The following SORCS3 variants were observed in gnomAD, a reference collection of about 807,000 sequenced individuals.
SORCS3 encodes the protein VPS10 domain-containing receptor SorCS3.
A neutral mutation model predicts 146.3 loss-of-function variants in SORCS3; 57 were observed. That is an observed-to-expected ratio of 0.39 (90% CI 0.31 to 0.49). The LOEUF (loss-of-function observed/expected upper bound fraction) is 0.49. Among genes scored for constraint, SORCS3 ranks in the 20% least tolerant of loss-of-function variants. The probability of loss-of-function intolerance (pLI) is 0.92; values close to 1 mark genes in which losing one functional copy is unlikely to be tolerated. For missense variants in SORCS3, 1,341 were observed against 1,575.5 expected (o/e 0.85, Z 2.52); for synonymous variants, 653 against 618.5 (o/e 1.06, Z -0.83).
intron 20 of SORCS3, among the ~76,000 whole-genome samples, chr10:105,226,850 A>G (rs192706751): frequency 1.0e-3 from 156 of 151,714 alleles, no homozygotes; most frequent in African/African-American, 3.4e-3. Flanking sequence ...TAGTGTATAT[A>G]GTTGTTCATA....
chr10:104,751,850 G>A (rs984440179), intron 1 of SORCS3, among the ~76,000 whole-genome samples: 3 of 145,900 alleles, frequency 2.1e-5, no homozygotes, highest in Non-Finnish European at 4.5e-5. Flanking sequence ...CTGTGGCTGG[G>A]ATTTTGTCAC....
chr10:105,019,574 G>T (rs1299924751), intron 4 of SORCS3, among the ~76,000 whole-genome samples: 1 of 152,132 alleles, frequency 6.6e-6, no homozygotes, highest in Non-Finnish European at 1.5e-5. Context: ...TCAGTCACCA[G>T]TGAAATTGAT....
intron 4 of SORCS3, among the ~76,000 whole-genome samples, chr10:104,988,849 AC>A (rs2054977081): frequency 6.6e-6 from 1 of 152,102 alleles, no homozygotes; most frequent in Non-Finnish European, 1.5e-5. Context: ...GGAAAATCAG[AC>A]CCCCGTGTTA....
chr10:104,657,868 A>G (rs1209658316), intron 1 of SORCS3, among the ~76,000 whole-genome samples: 2 of 152,226 alleles, frequency 1.3e-5, no homozygotes, highest in African/African-American at 2.4e-5. Context: ...CCGATAAAAT[A>G]TTTAGCTTTT....
chr10:104,983,641 G>A (rs1008135925), intron 4 of SORCS3, among the ~76,000 whole-genome samples: 4 of 152,054 alleles, frequency 2.6e-5, no homozygotes, highest in African/African-American at 9.7e-5. Flanking sequence ...TTGTCTTTAT[G>A]TACGTGCTGT....
intron 1 of SORCS3, among the ~76,000 whole-genome samples, chr10:104,696,443 T>TATATA (rs1564661304): frequency 0.011 from 23 of 2,102 alleles, 1 homozygote; most frequent in Non-Finnish European, 0.036. Context: ...GAATATATAA[T>TATATA]ATATAGAATA....
At chr10:104,945,566 C>CT (rs10707282) in intron 3 of SORCS3, among the ~76,000 whole-genome samples, 3,531 of 135,092 alleles carry the variant, frequency 0.026, 48 homozygotes, top group Non-Finnish European at 0.037. Flanking sequence ...GCCTAATGTT[C>CT]TTTTTTTTTT....
intron 4 of SORCS3, among the ~76,000 whole-genome samples, chr10:105,025,880 A>ACACACACC (rs1554870035): frequency 6.7e-6 from 1 of 148,456 alleles, no homozygotes; most frequent in Non-Finnish European, 1.5e-5. Flanking sequence ...ACACACACAC[A>ACACACACC]CCTGAAGAAC....
At chr10:104,732,326 A>G (rs555886637) in intron 1 of SORCS3, among the ~76,000 whole-genome samples, 1 of 152,306 alleles carries the variant, frequency 6.6e-6, no homozygotes, top group South Asian at 2.1e-4. Context: ...AAAATGAGAA[A>G]CAGAAGCATG....
intron 5 of SORCS3, among the ~76,000 whole-genome samples, chr10:105,074,253 T>A (rs897531596): frequency 6.6e-6 from 1 of 152,218 alleles, no homozygotes; most frequent in Non-Finnish European, 1.5e-5. Flanking sequence ...TGTGTTTGAA[T>A]TGGGAGCTGT....
At chr10:104,688,626 TTC>T (rs2016077533) in intron 1 of SORCS3, among the ~76,000 whole-genome samples, 1 of 152,214 alleles carries the variant, frequency 6.6e-6, no homozygotes, top group Admixed American at 6.5e-5. Flanking sequence ...CCCTTTCTTG[TTC>T]TTTTTCTCTA....
intron 5 of SORCS3, among the ~76,000 whole-genome samples, chr10:105,089,057 C>G (rs2055683366): frequency 6.6e-6 from 1 of 152,176 alleles, no homozygotes; most frequent in Admixed American, 6.5e-5. Flanking sequence ...ATTTAGGAGA[C>G]AGCTGACTGG....
At chr10:104,696,704 C>A (rs551095931) in intron 1 of SORCS3, among the ~76,000 whole-genome samples, 4 of 59,000 alleles carry the variant, frequency 6.8e-5, no homozygotes, top group East Asian at 3.9e-4. Flanking sequence ...ATATTATATA[C>A]GTATATATAA....
At chr10:104,939,693 C>T (rs60744009) in intron 3 of SORCS3, among the ~76,000 whole-genome samples, 8,915 of 152,212 alleles carry the variant, frequency 0.059, 260 homozygotes, top group African/African-American at 0.072. Flanking sequence ...AAATGAATTT[C>T]TTGATGGGTC....
chr10:104,859,171 T>C (rs571267108), intron 2 of SORCS3, among the ~76,000 whole-genome samples: 2 of 152,238 alleles, frequency 1.3e-5, no homozygotes, highest in African/African-American at 2.4e-5. Flanking sequence ...CTGGAAATCA[T>C]GCATCTCCAG....
intron 7 of SORCS3, among the ~76,000 whole-genome samples, chr10:105,115,578 A>G (rs2055888184): frequency 6.6e-6 from 1 of 152,146 alleles, no homozygotes; most frequent in Non-Finnish European, 1.5e-5. Context: ...ACTTTTAATG[A>G]TATATATGAG....
chr10:105,096,834 C>T (rs2055750045), intron 6 of SORCS3, among the ~76,000 whole-genome samples: 1 of 152,000 alleles, frequency 6.6e-6, no homozygotes, highest in Non-Finnish European at 1.5e-5. Flanking sequence ...AAATACATAC[C>T]AGGTTTCAAA....
intron 5 of SORCS3, among the ~76,000 whole-genome samples, chr10:105,086,419 T>A (rs2133737949): frequency 6.8e-6 from 1 of 146,124 alleles, no homozygotes; most frequent in South Asian, 2.3e-4. Context: ...TCTCTAGAAG[T>A]ATAAAGGAGA....
chr10:104,873,754 G>T (rs1220191366), intron 2 of SORCS3, among the ~76,000 whole-genome samples: 1 of 152,176 alleles, frequency 6.6e-6, no homozygotes, highest in Non-Finnish European at 1.5e-5. Flanking sequence ...AGGCAGTTTG[G>T]TGTTTTTATT....
Sources: gnomAD v4.1 joint callset for allele counts (sites outside exome capture counted in the v4.1 genomes callset) on GRCh38, gnomAD v4.1.1 for gene constraint, MANE v1.5 for transcripts, NCBI Gene and HGNC (gene_info 2026-07-23, HGNC 2026-07-21) for gene names.